NIPAL3: variants seen among roughly 807,000 people sequenced by gnomAD.
The protein encoded by NIPAL3 is NIPA-like protein 3.
In NIPAL3, 41 loss-of-function variants were observed where a neutral mutation model predicts 47.2. The observed-to-expected ratio is 0.87, with a 90% CI of 0.68 to 1.13. NIPAL3 has a LOEUF of 1.13. Among genes scored for constraint, NIPAL3 ranks in the 50% most tolerant of loss-of-function variants. NIPAL3 has a pLI of 0.00. For synonymous variants in NIPAL3, 194 were observed against 209.6 expected (o/e 0.93, Z 0.64); for missense variants, 449 against 530.1 (o/e 0.85, Z 1.50).
chr1:24,419,964 C>T, intron 2 of NIPAL3: 2 of 225,528 alleles, frequency 8.9e-6, no homozygotes, highest in South Asian at 1.0e-4. Flanking sequence ...CACCTGTAGT[C>T]CCAGCTACTC....
intron 9 of NIPAL3, among the ~76,000 whole-genome samples, chr1:24,459,835 C>T (rs758183940): frequency 6.6e-6 from 1 of 152,202 alleles, no homozygotes; most frequent in Non-Finnish European, 1.5e-5. Flanking sequence ...ATCACAAACA[C>T]CATGGTTGAG....
chr1:24,465,998 A>G (rs757164784), intron 11 of NIPAL3: 1 of 1,609,976 alleles, frequency 6.2e-7, no homozygotes. Flanking sequence ...CCTTTTGTCT[A>G]CCTAGATTCA....
chr1:24,467,792 AC>A (rs1646761916), intron 11 of NIPAL3, among the ~76,000 whole-genome samples: 1 of 151,880 alleles, frequency 6.6e-6, no homozygotes, highest in South Asian at 2.1e-4. Context: ...TACTTGGGTG[AC>A]TGAGGCAGGA....
intron 6 of NIPAL3, among the ~76,000 whole-genome samples, chr1:24,452,631 A>G (rs962130393): frequency 1.3e-5 from 2 of 152,164 alleles, no homozygotes; most frequent in African/African-American, 4.8e-5. Context: ...CCTGACTCCA[A>G]AGGCCTTCCT....
chr1:24,435,364 CTT>C (rs1457340026), intron 2 of NIPAL3, among the ~76,000 whole-genome samples: 5 of 152,124 alleles, frequency 3.3e-5, no homozygotes, highest in African/African-American at 1.2e-4. Flanking sequence ...GTTTTTGTCT[CTT>C]TTAGTTCAGT....
intron 2 of NIPAL3, among the ~76,000 whole-genome samples, chr1:24,436,636 C>G (rs753175776): frequency 6.7e-6 from 1 of 149,938 alleles, no homozygotes; most frequent in African/African-American, 2.5e-5. Context: ...TTATAGGCGC[C>G]CACCACCACG....
At chr1:24,417,363 C>A (rs1011767858) in intron 1 of NIPAL3, among the ~76,000 whole-genome samples, 7 of 152,154 alleles carry the variant, frequency 4.6e-5, no homozygotes, top group African/African-American at 1.7e-4. Context: ...TTCCCGGGGC[C>A]TCTCAGAGGT....
chr1:24,448,917 C>A (rs550039558), intron 5 of NIPAL3, among the ~76,000 whole-genome samples: 21 of 152,294 alleles, frequency 1.4e-4, no homozygotes, highest in African/African-American at 4.6e-4. Context: ...AGCCCCCCAG[C>A]AGTAGAATGG....
chr1:24,428,274 G>GAGAT (rs1644707100), intron 2 of NIPAL3, among the ~76,000 whole-genome samples: 1 of 149,978 alleles, frequency 6.7e-6, no homozygotes, highest in Non-Finnish European at 1.5e-5. Flanking sequence ...GAGAGAGAGA[G>GAGAT]AGAGAGAGAG....
At position 24,454,521 on chromosome 1, in the gene NIPAL3, T is replaced by C. The variant is rs1194395301; in HGVS notation, c.637+1017T>C. 3.0e-6 allele frequency: 3 copies of C among 989,764 alleles called. No homozygotes were observed. The highest frequency in any genetic ancestry group is 3.5e-5 in the African/African-American group (2 of 57,230). 61.3% of individuals were successfully genotyped at this position (989,764 alleles called of 1,614,324 possible). Reference sequence around the variant, plus strand: ...AAGCCATCAACCAAATAGATACCTGTCACCGAAGACAGGGTTTCCTTAATT... The same window carrying C: ...AAGCCATCAACCAAATAGATACCTGCCACCGAAGACAGGGTTTCCTTAATT... On this transcript the variant is annotated intron_variant, in intron 7 of 11. Transcript: ENST00000374399. This position sits in a 1 kb window ranked among gnomAD's most constrained non-coding sequence, Gnocchi z 4.1.
At chr1:24,463,117 G>A (rs1187212125) in intron 10 of NIPAL3, among the ~76,000 whole-genome samples, 1 of 152,134 alleles carries the variant, frequency 6.6e-6, no homozygotes, top group Non-Finnish European at 1.5e-5. Flanking sequence ...GAACCTGGGA[G>A]GTGGAGGTTG....
chr1:24,419,435 G>C lies in NIPAL3; in HGVS notation c.-113G>C. 7.3e-7 allele frequency: 1 copy of C among 1,375,636 alleles called. No individual in the cohort carries two copies. 85.2% of individuals were successfully genotyped at this position (1,375,636 alleles called of 1,614,324 possible). On this transcript the variant is annotated 5_prime_UTR_variant, in exon 2 of 12. Transcript: ENST00000374399. ...TATTCTTTTGTCATGAGGAAGTGAC[G>C]GCTGCTGGAGGGAGGTGAACACCAC...
Position 24,471,277 on chromosome 1 carries a change from A to G in NIPAL3, c.*2092A>G, listed in dbSNP as rs894487852. ...GGAAGGTGGTGGGAGATGAGTCTCA[A>G]AGCTAAGTAGTGGAAGCTGGGCACA... On this transcript the variant is annotated 3_prime_UTR_variant, in exon 12 of 12. Coordinates refer to ENST00000374399, the MANE Select transcript of NIPAL3 (RefSeq NM_020448.5). 7 of 152,526 alleles carry G rather than the reference A, an allele frequency of 4.6e-5. No homozygotes were observed. Among genetic ancestry groups the G allele is most frequent in the African/African-American group, 1.7e-4 (7 of 41,468 alleles). 9.4% of individuals were successfully genotyped at this position (152,526 alleles called of 1,614,324 possible).
rs557267919 is a variant in NIPAL3 at position 24,465,894 on chromosome 1, G to A, written c.1021+1774G>A. 152 of 1,409,866 alleles carry A rather than the reference G, an allele frequency of 1.1e-4. No individual in the cohort carries two copies. In the African/African-American group the frequency reaches 2.0e-3, roughly 19 times the overall value. The allele number at this position is 1,409,866 out of a possible 1,614,324, so 87.3% of individuals were successfully genotyped here. ...ACACACTTGTTTGACCTGGTGGCAGGTAGAACATGCAGAATAAAACTGCTG... is the reference window on the plus strand; with the variant it reads ...ACACACTTGTTTGACCTGGTGGCAGATAGAACATGCAGAATAAAACTGCTG... On this transcript the variant is annotated intron_variant, in intron 11 of 11. Transcript: ENST00000374399.
intron 5 of NIPAL3, among the ~76,000 whole-genome samples, chr1:24,446,340 T>C (rs1645664549): frequency 6.6e-6 from 1 of 152,116 alleles, no homozygotes; most frequent in Admixed American, 6.5e-5. Context: ...ACATGTGCCA[T>C]GGTGGTTTGC....
At chr1:24,450,381 AT>A (rs1286276634) in intron 6 of NIPAL3, among the ~76,000 whole-genome samples, 1 of 151,922 alleles carries the variant, frequency 6.6e-6, no homozygotes, top group Non-Finnish European at 1.5e-5. Context: ...ATGTTATTTT[AT>A]TTTTTTTCCC....
chr1:24,467,195 G>A (rs888184748), intron 11 of NIPAL3, among the ~76,000 whole-genome samples: 2 of 152,182 alleles, frequency 1.3e-5, no homozygotes, highest in Non-Finnish European at 2.9e-5. Context: ...CAGGCACGGT[G>A]GCTCACGCCT....
Position 24,442,118 on chromosome 1 carries a change from T to C in NIPAL3, c.226T>C (p.Trp76Arg), listed in dbSNP as rs1557509528. 6.2e-7 allele frequency: 1 copy of C among 1,614,190 alleles called. No individual in the cohort carries two copies. The highest frequency in any genetic ancestry group is 8.5e-7 in the Non-Finnish European group (1 of 1,180,016). ...CCGGGCCTATTTCAAGACCAAGACATGGTGGCTGGGCCTGTTCCTGATGCT... is the reference window on the plus strand; with the variant it reads ...CCGGGCCTATTTCAAGACCAAGACACGGTGGCTGGGCCTGTTCCTGATGCT... ...DPRAYFKTKTWWLGLFLMLLG... is the reference protein window; with the variant it reads ...DPRAYFKTKTRWLGLFLMLLG... The change falls in exon 4 of 12, where the codon TGG becomes CGG. Residue 76 changes from tryptophan to arginine, a missense_variant. Coordinates refer to ENST00000374399, the MANE Select transcript of NIPAL3 (RefSeq NM_020448.5).
At position 24,449,930 on chromosome 1, in the gene NIPAL3, T is replaced by G. The variant is rs957455595; in HGVS notation, c.540+304T>G. Among the ~76,000 whole-genome samples the G allele has an allele frequency of 6.6e-6, 1 of 152,178 alleles. No individual in the cohort carries two copies. Among genetic ancestry groups the G allele is most frequent in the Non-Finnish European group, 1.5e-5 (1 of 68,036 alleles). On this transcript the variant is annotated intron_variant, in intron 6 of 11. Transcript: ENST00000374399. The surrounding 1 kb of genome is among the most constrained non-coding windows in gnomAD (Gnocchi z 4.5). The stretch of plus-strand genomic sequence containing the variant: ...AGGAATTCCACCCCTCATTTTATAC[T>G]CAACAGAAATGCATACATGTGTTTC...
Sources: gnomAD v4.1 joint callset for allele counts (sites outside exome capture counted in the v4.1 genomes callset) on GRCh38, gnomAD v4.1.1 for gene constraint, Gnocchi (gnomAD v3.1) non-coding constraint, MANE v1.5 for transcripts, NCBI Gene and HGNC (gene_info 2026-07-23, HGNC 2026-07-21) for gene names.